The following KIFAP3 variants were observed in gnomAD, a reference collection of about 807,000 sequenced individuals.
KIFAP3 encodes kinesin-associated protein 3.
A neutral mutation model predicts 106.5 loss-of-function variants in KIFAP3; 68 were observed. The ratio of observed to expected loss-of-function variants is 0.64; its 90% CI spans 0.53 to 0.78. The LOEUF is 0.78. Ranked by LOEUF, KIFAP3 falls within the 30% of genes least tolerant of loss-of-function variation. KIFAP3 has a pLI of 0.00. For missense variants in KIFAP3, 780 were observed against 941.8 expected, an observed-to-expected ratio of 0.83 and a Z score of 2.25; for synonymous variants, 320 against 311.5, an observed-to-expected ratio of 1.03 and a Z score of -0.29.
At chr1:169,986,748 C>A (rs1363997192) in intron 11 of KIFAP3, among the ~76,000 whole-genome samples, 1 of 151,654 alleles carries the variant, frequency 6.6e-6, no homozygotes, top group Non-Finnish European at 1.5e-5. Context: ...ATCTGAGAAT[C>A]GGTTACATTG....
intron 10 of KIFAP3, among the ~76,000 whole-genome samples, chr1:170,000,233 C>A (rs1370703958): frequency 6.6e-6 from 1 of 152,134 alleles, no homozygotes; most frequent in Non-Finnish European, 1.5e-5. Context: ...AGTGAGAACA[C>A]AAGTTATGGG....
intron 8 of KIFAP3, 88 bp downstream of exon 8, chr1:170,031,798 A>C (rs1669424509): frequency 1.3e-6 from 1 of 778,006 alleles, no homozygotes; most frequent in South Asian, 1.9e-5. Flanking sequence ...TTCTCACATT[A>C]GCTTTACAGG....
intron 19 of KIFAP3, among the ~76,000 whole-genome samples, chr1:169,925,488 G>T (rs1663086412): frequency 6.6e-6 from 1 of 151,742 alleles, no homozygotes; most frequent in South Asian, 2.1e-4. Context: ...ACCATATCTA[G>T]AGTGTGTTTT....
At chr1:170,060,454 G>A (rs1671084080) in intron 1 of KIFAP3, among the ~76,000 whole-genome samples, 1 of 152,084 alleles carries the variant, frequency 6.6e-6, no homozygotes, top group African/African-American at 2.4e-5. Context: ...CAACTTACAA[G>A]GGATGTGAAG....
At chr1:169,955,325 A>G (rs1664951340) in intron 18 of KIFAP3, among the ~76,000 whole-genome samples, 1 of 152,222 alleles carries the variant, frequency 6.6e-6, no homozygotes, top group Non-Finnish European at 1.5e-5. Context: ...TAAGAATTTT[A>G]GTTTAAGTGA....
At chr1:169,964,803 C>T (rs1041187098) in intron 17 of KIFAP3, among the ~76,000 whole-genome samples, 2 of 152,098 alleles carry the variant, frequency 1.3e-5, no homozygotes, top group African/African-American at 2.4e-5. Context: ...GTAATTTAGC[C>T]TAAATGCTAA....
intron 3 of KIFAP3, among the ~76,000 whole-genome samples, chr1:170,042,732 T>C (rs1670045123): frequency 6.6e-6 from 1 of 152,194 alleles, no homozygotes; most frequent in South Asian, 2.1e-4. Flanking sequence ...CAACAGTTAC[T>C]TCATTTTGTT....
At chr1:169,971,762 T>C (rs1157652154) in intron 17 of KIFAP3, among the ~76,000 whole-genome samples, 1 of 152,052 alleles carries the variant, frequency 6.6e-6, no homozygotes, top group African/African-American at 2.4e-5. Flanking sequence ...CTGAGTAGGC[T>C]ACATTCAATA....
chr1:169,995,775 C>T (rs1202361237), intron 10 of KIFAP3, among the ~76,000 whole-genome samples: 1 of 152,038 alleles, frequency 6.6e-6, no homozygotes, highest in African/African-American at 2.4e-5. Flanking sequence ...GAAGGAAAGA[C>T]TCACCTTTAA....
intron 19 of KIFAP3, among the ~76,000 whole-genome samples, chr1:169,936,377 G>A (rs1663801196): frequency 6.6e-6 from 1 of 151,772 alleles, no homozygotes; most frequent in African/African-American, 2.4e-5. Context: ...GGACTCTGAT[G>A]TGTTTCTAAA....
At chr1:169,955,079 C>A (rs1664937955) in intron 18 of KIFAP3, among the ~76,000 whole-genome samples, 1 of 152,126 alleles carries the variant, frequency 6.6e-6, no homozygotes, top group African/African-American at 2.4e-5. Flanking sequence ...TTTGTAATAA[C>A]TATTTGGACA....
chr1:169,927,065 A>G (rs966595077), intron 19 of KIFAP3, among the ~76,000 whole-genome samples: 2 of 152,128 alleles, frequency 1.3e-5, no homozygotes, highest in African/African-American at 4.8e-5. Context: ...TATCTTTCTA[A>G]GTAGATTGTT....
At chr1:170,071,849 A>G (rs1404285827) in intron 1 of KIFAP3, among the ~76,000 whole-genome samples, 1 of 152,240 alleles carries the variant, frequency 6.6e-6, no homozygotes, top group Non-Finnish European at 1.5e-5. Flanking sequence ...TTATGCAGCT[A>G]TATAAAGGAA....
chr1:169,993,478 T>C (rs1159995321), intron 10 of KIFAP3, among the ~76,000 whole-genome samples: 1 of 150,404 alleles, frequency 6.6e-6, no homozygotes, highest in South Asian at 2.1e-4. Context: ...TGCTGATTGA[T>C]TCTGTTTTTA....
chr1:170,026,966 G>A, intron 8 of KIFAP3, among the ~76,000 whole-genome samples: 1 of 148,974 alleles, frequency 6.7e-6, no homozygotes, highest in African/African-American at 2.5e-5. Flanking sequence ...GATATTTTTA[G>A]GAATAAAAAA....
At chr1:170,039,432 TA>T (rs1252719754) in intron 3 of KIFAP3, 144 bp from the exon 4 acceptor site, 1 of 538,082 alleles carries the variant, frequency 1.9e-6, no homozygotes, top group Non-Finnish European at 3.3e-6. Flanking sequence ...TCTCAATGCA[TA>T]AAAATGTTCA....
intron 15 of KIFAP3, among the ~76,000 whole-genome samples, chr1:169,981,655 C>A (rs866556354): frequency 1.8e-4 from 27 of 151,988 alleles, no homozygotes; most frequent in Non-Finnish European, 1.6e-4. Flanking sequence ...TGCTGGGGGT[C>A]TTGGAATGTA....
chr1:170,061,230 A>T (rs1671135135), intron 1 of KIFAP3, among the ~76,000 whole-genome samples: 1 of 152,188 alleles, frequency 6.6e-6, no homozygotes, highest in South Asian at 2.1e-4. Context: ...CAGGCAACCT[A>T]CAGAATGGGA....
At chr1:169,930,616 C>A (rs1370501801) in intron 19 of KIFAP3, among the ~76,000 whole-genome samples, 26 of 152,198 alleles carry the variant, frequency 1.7e-4, no homozygotes, top group Admixed American at 1.7e-3. Flanking sequence ...CTTCTCTGGG[C>A]TGGTGAATTA....
Sources: gnomAD v4.1 joint callset for allele counts (sites outside exome capture counted in the v4.1 genomes callset) on GRCh38, gnomAD v4.1.1 for gene constraint, MANE v1.5 for transcripts, NCBI Gene and HGNC (gene_info 2026-07-23, HGNC 2026-07-21) for gene names.